Variants in SLCO2A1 observed in about 807,000 individuals in gnomAD.
SLCO2A1 encodes the protein solute carrier organic anion transporter family member 2A1.
SLCO2A1 carries 60 observed loss-of-function variants against 71.7 expected under a neutral mutation model. The observed-to-expected ratio is 0.84, with a 90% CI of 0.68 to 1.04. The LOEUF (loss-of-function observed/expected upper bound fraction) is 1.04, where lower values mean the gene tolerates loss of function less well. Among genes scored for constraint, SLCO2A1 ranks in the 50% least tolerant of loss-of-function variants. The probability of loss-of-function intolerance (pLI) is 0.00; values close to 1 mark genes in which losing one functional copy is unlikely to be tolerated. For missense variants in SLCO2A1, 745 were observed against 813.4 expected, an observed-to-expected ratio of 0.92 and a Z score of 1.02; for synonymous variants, 308 against 326.7, an observed-to-expected ratio of 0.94 and a Z score of 0.62.
intron 11 of SLCO2A1, among the ~76,000 whole-genome samples, chr3:133,939,466 G>C (rs1029210012): frequency 5.3e-5 from 8 of 152,202 alleles, no homozygotes; most frequent in Non-Finnish European, 8.8e-5. Context: ...AGTGAGGAAG[G>C]GAGCTCAGAA....
intron 1 of SLCO2A1, among the ~76,000 whole-genome samples, chr3:134,027,607 T>G (rs1317113601): frequency 6.6e-6 from 1 of 152,164 alleles, no homozygotes; most frequent in Non-Finnish European, 1.5e-5. Flanking sequence ...TTTAACTCAG[T>G]GTCTGAGGAG....
chr3:133,959,587 G>A (rs761536924), intron 3 of SLCO2A1, among the ~76,000 whole-genome samples: 1 of 152,110 alleles, frequency 6.6e-6, no homozygotes, highest in Non-Finnish European at 1.5e-5. Flanking sequence ...TATTTTGGGA[G>A]GCCAAGAGGG....
chr3:133,949,794 G>A (rs150285280), intron 6 of SLCO2A1, among the ~76,000 whole-genome samples: 3 of 152,298 alleles, frequency 2.0e-5, no homozygotes, highest in Non-Finnish European at 2.9e-5. Flanking sequence ...GAAACTTGGC[G>A]AAGCTCACTC....
At chr3:133,967,926 T>G in intron 3 of SLCO2A1, among the ~76,000 whole-genome samples, 1 of 56,612 alleles carries the variant, frequency 1.8e-5, no homozygotes, top group South Asian at 1.1e-3. Flanking sequence ...CCCACCTCCA[T>G]ACCCCCCACA....
chr3:133,999,903 C>T (rs1211308584), intron 1 of SLCO2A1, among the ~76,000 whole-genome samples: 1 of 152,212 alleles, frequency 6.6e-6, no homozygotes, highest in African/African-American at 2.4e-5. Context: ...CCGAAGACTT[C>T]TGAGCAGAGA....
Position 134,029,820 on chromosome 3 carries a change from CGGGCGCGGAGTGGCGCGGGGTCG to C in SLCO2A1, c.-41_-19del. 1 of 1,397,166 alleles carries C rather than the reference CGGGCGCGGAGTGGCGCGGGGTCG, an allele frequency of 7.2e-7. No homozygotes were observed. The highest frequency in any genetic ancestry group is 9.3e-7 in the Non-Finnish European group (1 of 1,078,112). 86.5% of individuals were successfully genotyped at this position (1,397,166 alleles called of 1,614,324 possible). A position where few individuals can be genotyped will look rare whatever the true frequency, so the allele number is the denominator to read the frequency against. On this transcript the variant is annotated 5_prime_UTR_variant, in exon 1 of 14. Coordinates refer to ENST00000310926, the MANE Select transcript of SLCO2A1 (RefSeq NM_005630.3). The stretch of plus-strand genomic sequence containing the variant: ...AGCCCCATGGCTGCGGGCGGCTGGC[CGGGCGCGGAGTGGCGCGGGGTCG>C]GGGCGCCTCGGGCTGGAGCGGCCGG...
Position 134,028,149 on chromosome 3 carries a change from T to G in SLCO2A1, c.96+1558A>C, listed in dbSNP as rs1241257398. 2.0e-5 allele frequency among the ~76,000 whole-genome samples: 3 copies of G among 152,198 alleles called. 1 individual carries two copies. The highest frequency in any genetic ancestry group is 7.2e-5 in the African/African-American group (3 of 41,444). On this transcript the variant is annotated intron_variant, in intron 1 of 13. Coordinates refer to ENST00000310926, the MANE Select transcript of SLCO2A1 (RefSeq NM_005630.3). Reference sequence around the variant, plus strand: ...GGTGGGTCTAAACGGATCAGTCTCATTCAGCTGTACCCTCACTGTCAGGAA... The same window carrying G: ...GGTGGGTCTAAACGGATCAGTCTCAGTCAGCTGTACCCTCACTGTCAGGAA...
intron 1 of SLCO2A1, among the ~76,000 whole-genome samples, chr3:134,013,513 C>T (rs1489408826): frequency 2.0e-5 from 3 of 152,126 alleles, no homozygotes; most frequent in East Asian, 1.9e-4. Flanking sequence ...CCATGGGGCC[C>T]GGCCCAGGAA....
At chr3:133,938,078 C>T (rs900471361) in intron 12 of SLCO2A1, among the ~76,000 whole-genome samples, 3 of 152,190 alleles carry the variant, frequency 2.0e-5, no homozygotes, top group East Asian at 1.9e-4. Context: ...TGGGCTCAGC[C>T]GCTGCTCTGG....
chr3:133,991,385 T>A (rs1263871380), intron 1 of SLCO2A1, among the ~76,000 whole-genome samples: 1 of 152,194 alleles, frequency 6.6e-6, no homozygotes, highest in Non-Finnish European at 1.5e-5. Flanking sequence ...CATGGCCCAA[T>A]GCCCCAAAGG....
chr3:133,972,155 C>CA (rs1185111694), intron 3 of SLCO2A1, among the ~76,000 whole-genome samples: 3 of 151,920 alleles, frequency 2.0e-5, no homozygotes, highest in Non-Finnish European at 4.4e-5. Flanking sequence ...AAGGAAACAC[C>CA]AAAAAATAGT....
chr3:133,966,279 T>C (rs1228998522), intron 3 of SLCO2A1, among the ~76,000 whole-genome samples: 1 of 152,220 alleles, frequency 6.6e-6, no homozygotes, highest in African/African-American at 2.4e-5. Context: ...AAGTCTGACA[T>C]ATTTACTACC....
chr3:133,945,930 G>C (rs748519174), intron 9 of SLCO2A1, among the ~76,000 whole-genome samples: 1 of 152,280 alleles, frequency 6.6e-6, no homozygotes, highest in African/African-American at 2.4e-5. Flanking sequence ...TCATCACAAC[G>C]AGTCTACAGT....
intron 1 of SLCO2A1, among the ~76,000 whole-genome samples, chr3:133,992,792 T>C (rs1934882081): frequency 6.6e-6 from 1 of 152,188 alleles, no homozygotes; most frequent in South Asian, 2.1e-4. Context: ...TACCTTCCTG[T>C]TCCCTTTTCA....
intron 3 of SLCO2A1, among the ~76,000 whole-genome samples, chr3:133,971,702 C>A (rs1478345666): frequency 1.3e-5 from 2 of 152,176 alleles, no homozygotes; most frequent in Non-Finnish European, 2.9e-5. Context: ...TCCCTGGGGG[C>A]TCATTTAACC....
chr3:134,017,589 G>C (rs773371788), intron 1 of SLCO2A1, among the ~76,000 whole-genome samples: 13 of 152,204 alleles, frequency 8.5e-5, no homozygotes, highest in Admixed American at 2.0e-4. Context: ...TTCCTGATGG[G>C]CTCATTTGCC....
intron 3 of SLCO2A1, among the ~76,000 whole-genome samples, chr3:133,959,885 C>T (rs1313476350): frequency 6.6e-6 from 1 of 151,882 alleles, no homozygotes; most frequent in Non-Finnish European, 1.5e-5. Flanking sequence ...CTTTGGGAGG[C>T]TGAGGCGGGC....
At chr3:133,991,606 C>G (rs1199396127) in intron 1 of SLCO2A1, among the ~76,000 whole-genome samples, 2 of 152,182 alleles carry the variant, frequency 1.3e-5, no homozygotes, top group African/African-American at 2.4e-5. Context: ...TCCTGTGGGT[C>G]ACTGGAGATA....
chr3:133,989,306 T>G (rs925771942), intron 1 of SLCO2A1, among the ~76,000 whole-genome samples: 7 of 152,244 alleles, frequency 4.6e-5, no homozygotes, highest in African/African-American at 1.7e-4. Flanking sequence ...ACTGCTTCAT[T>G]CCTGTGTTTC....
Sources: gnomAD v4.1 joint callset for allele counts (sites outside exome capture counted in the v4.1 genomes callset) on GRCh38, gnomAD v4.1.1 for gene constraint, MANE v1.5 for transcripts, NCBI Gene and HGNC (gene_info 2026-07-23, HGNC 2026-07-21) for gene names.